The following STAU2 variants were observed in gnomAD, a reference collection of about 807,000 sequenced individuals.
STAU2 encodes double-stranded RNA-binding protein Staufen homolog 2.
Under a neutral mutation model 65.9 loss-of-function variants are expected in STAU2, and 20 were observed. The observed-to-expected ratio is 0.30, with a 90% CI of 0.21 to 0.44. STAU2 has a LOEUF of 0.44. Ranked by LOEUF, STAU2 falls within the 20% of genes least tolerant of loss-of-function variation. STAU2 has a pLI of 1.00. For synonymous variants in STAU2, 232 were observed against 233.9 expected (o/e 0.99, Z 0.07); for missense variants, 558 against 683.9 (o/e 0.82, Z 2.05).
chr8:73,687,351 TTATATAA>T (rs1411779068), intron 5 of STAU2, among the ~76,000 whole-genome samples: 6 of 39,282 alleles, frequency 1.5e-4, no homozygotes, highest in Admixed American at 8.3e-4. Context: ...TATTTATAAT[TTATATAA>T]TATAAATATA....
chr8:73,493,996 C>G (rs1377413679), intron 13 of STAU2, among the ~76,000 whole-genome samples: 2 of 151,716 alleles, frequency 1.3e-5, no homozygotes, highest in Non-Finnish European at 3.0e-5. Flanking sequence ...TACATAAGGG[C>G]TGGAACAATG....
chr8:73,668,894 A>G, intron 6 of STAU2: 1 of 585,648 alleles, frequency 1.7e-6, no homozygotes, highest in Non-Finnish European at 3.0e-6. Flanking sequence ...GAGGGTGGTA[A>G]AACAGCATAG....
At chr8:73,639,091 C>A (rs1814767552) in intron 6 of STAU2, among the ~76,000 whole-genome samples, 1 of 151,766 alleles carries the variant, frequency 6.6e-6, no homozygotes, top group Non-Finnish European at 1.5e-5. Flanking sequence ...AAAAACAAAC[C>A]CACAAATTCT....
intron 13 of STAU2, among the ~76,000 whole-genome samples, chr8:73,506,164 G>A (rs1026107650): frequency 1.3e-5 from 2 of 152,124 alleles, no homozygotes; most frequent in Non-Finnish European, 1.5e-5. Flanking sequence ...GGGCTAACAC[G>A]TGTTCCATTG....
chr8:73,493,825 A>G (rs1186581176), intron 13 of STAU2, among the ~76,000 whole-genome samples: 1 of 151,858 alleles, frequency 6.6e-6, no homozygotes, highest in Non-Finnish European at 1.5e-5. Context: ...TAGTTAAAAA[A>G]TGGAAACAGT....
At chr8:73,433,331 A>C (rs1817440481) in intron 13 of STAU2, among the ~76,000 whole-genome samples, 1 of 151,058 alleles carries the variant, frequency 6.6e-6, no homozygotes, top group African/African-American at 2.5e-5. Flanking sequence ...CAGCCTCCCA[A>C]GTAGCTGGGA....
chr8:73,720,277 A>G (rs951473105), intron 3 of STAU2, among the ~76,000 whole-genome samples: 12 of 151,850 alleles, frequency 7.9e-5, no homozygotes, highest in African/African-American at 2.9e-4. Context: ...TCTCAAAAAA[A>G]AAGCTATTCA....
chr8:73,734,958 A>G (rs938672746), intron 3 of STAU2, among the ~76,000 whole-genome samples: 5 of 152,108 alleles, frequency 3.3e-5, no homozygotes, highest in Non-Finnish European at 7.4e-5. Context: ...TTGCATGCCT[A>G]GGGTCTCATT....
chr8:73,671,677 A>T (rs1817687358), intron 6 of STAU2, among the ~76,000 whole-genome samples: 1 of 152,224 alleles, frequency 6.6e-6, no homozygotes, highest in African/African-American at 2.4e-5. Flanking sequence ...ATAAAAAAAT[A>T]GACATACATT....
chr8:73,437,349 T>C (rs1203994871), intron 13 of STAU2, among the ~76,000 whole-genome samples: 1 of 152,152 alleles, frequency 6.6e-6, no homozygotes, highest in Non-Finnish European at 1.5e-5. Context: ...AGGACAGAGA[T>C]AGAGACATGA....
intron 3 of STAU2, among the ~76,000 whole-genome samples, chr8:73,737,876 C>CCTTCT (rs1806556097): frequency 6.7e-6 from 1 of 149,800 alleles, no homozygotes; most frequent in South Asian, 2.1e-4. Context: ...TAGTGTTTTT[C>CCTTCT]AGTGCCCTGG....
At chr8:73,557,573 T>C (rs1281962402) in intron 12 of STAU2, among the ~76,000 whole-genome samples, 1 of 152,230 alleles carries the variant, frequency 6.6e-6, no homozygotes. Context: ...GTGACTGTTT[T>C]CCCACACTTC....
At chr8:73,481,526 AAAC>A (rs1554595603) in intron 13 of STAU2, among the ~76,000 whole-genome samples, 1 of 150,194 alleles carries the variant, frequency 6.7e-6, no homozygotes, top group Admixed American at 6.6e-5. Flanking sequence ...CAAAAAAAAA[AAAC>A]ACTTTTTTTG....
intron 13 of STAU2, chr8:73,551,484 T>C (rs1807328500): frequency 4.1e-6 from 4 of 984,406 alleles, no homozygotes; most frequent in Non-Finnish European, 4.8e-6. Flanking sequence ...TCTTCAAATA[T>C]CATGTTTAAT....
At chr8:73,678,066 C>A (rs1204932352) in intron 5 of STAU2, among the ~76,000 whole-genome samples, 1 of 152,170 alleles carries the variant, frequency 6.6e-6, no homozygotes, top group African/African-American at 2.4e-5. Context: ...ACTCTCAACA[C>A]TCCTGCAGAG....
chr8:73,737,565 CTTT>C (rs538636180), intron 3 of STAU2, among the ~76,000 whole-genome samples: 1 of 141,578 alleles, frequency 7.1e-6, no homozygotes. Context: ...TGTTTCTTTC[CTTT>C]TTTTTTTTTT....
At chr8:73,553,889 T>C (rs1221526724) in intron 12 of STAU2, among the ~76,000 whole-genome samples, 9 of 152,074 alleles carry the variant, frequency 5.9e-5, no homozygotes, top group Non-Finnish European at 1.2e-4. Context: ...GAATTCTCTG[T>C]CAGGTAAATC....
intron 1 of STAU2, among the ~76,000 whole-genome samples, chr8:73,743,803 ACT>A (rs1424359301): frequency 5.1e-5 from 6 of 117,540 alleles, no homozygotes; most frequent in African/African-American, 2.0e-4. Flanking sequence ...ACTGAGTCTC[ACT>A]CTGTCACCCA....
chr8:73,639,493 C>T (rs28620669), intron 6 of STAU2, among the ~76,000 whole-genome samples: 12,650 of 151,972 alleles, frequency 0.083, 603 homozygotes, highest in Middle Eastern at 0.15. Context: ...GCTAACCCTT[C>T]CTAAGAAAAA....
Sources: gnomAD v4.1 joint callset for allele counts (sites outside exome capture counted in the v4.1 genomes callset) on GRCh38, gnomAD v4.1.1 for gene constraint, MANE v1.5 for transcripts, NCBI Gene and HGNC (gene_info 2026-07-23, HGNC 2026-07-21) for gene names.